The following PCDHGA12 variants were observed in gnomAD, a reference collection of about 807,000 sequenced individuals.
The protein encoded by PCDHGA12 is protocadherin gamma subfamily A, 12.
In PCDHGA12, 43 loss-of-function variants were observed where a neutral mutation model predicts 61.1. The ratio of observed to expected loss-of-function variants is 0.70; its 90% CI spans 0.55 to 0.91. The LOEUF (loss-of-function observed/expected upper bound fraction) is 0.91. Ranked by LOEUF, PCDHGA12 falls within the 40% of genes least tolerant of loss-of-function variation. PCDHGA12 has a pLI of 0.00. For missense variants in PCDHGA12, 1,236 were observed against 1,227.7 expected (o/e 1.01, Z -0.10); for synonymous variants, 520 against 542.9 (o/e 0.96, Z 0.59).
intron 1 of PCDHGA12, among the ~76,000 whole-genome samples, chr5:141,449,606 A>AG (rs1263111904): frequency 2.0e-5 from 3 of 150,702 alleles, no homozygotes; most frequent in Non-Finnish European, 3.0e-5. Flanking sequence ...AAAAAAAAAA[A>AG]AGTAAAAAAG....
rs1437533706 is a variant in PCDHGA12, at chr5:141,511,419, G to C, written c.*246G>C. On this transcript the variant is annotated 3_prime_UTR_variant, in exon 4 of 4. Transcript: ENST00000252085. ...ATCCAATCAACTGCTGTACCCATGG[G>C]GGTAGTGGGGTTACTGTAGACACCA... The C allele has an allele frequency of 2.4e-6, 2 of 830,456 alleles. No individual in the cohort carries two copies. The highest frequency in any genetic ancestry group is 5.8e-5 in the East Asian group (2 of 34,260). 51.4% of individuals were successfully genotyped at this position (830,456 alleles called of 1,614,324 possible).
intron 1 of PCDHGA12, among the ~76,000 whole-genome samples, chr5:141,475,204 A>G (rs2099360413): frequency 6.6e-6 from 1 of 152,176 alleles, no homozygotes; most frequent in African/African-American, 2.4e-5. Flanking sequence ...AGATCTTGGG[A>G]AAAGGATTGA....
At position 141,476,499 on chromosome 5, in the gene PCDHGA12, T is replaced by A. The variant is rs763373223; in HGVS notation, c.2425-18308T>A. On this transcript the variant is annotated intron_variant, in intron 1 of 3. Coordinates refer to ENST00000252085, the MANE Select transcript of PCDHGA12 (RefSeq NM_003735.3). This position sits in a 1 kb window ranked among gnomAD's most constrained non-coding sequence, Gnocchi z 7.6. Reference sequence around the variant, plus strand: ...AGCGTGGAAGTGGTGATCCAGGACATCAACGACAACAATCCTGCTTTCCCT... The same window carrying A: ...AGCGTGGAAGTGGTGATCCAGGACAACAACGACAACAATCCTGCTTTCCCT... 3.1e-6 allele frequency: 5 copies of A among 1,613,992 alleles called. No individual in the cohort carries two copies. The South Asian group carries it at 5.5e-5, about 18-fold the overall frequency.
At position 141,431,516 on chromosome 5, in the gene PCDHGA12, G is replaced by C. The variant is rs941913367; in HGVS notation, c.757G>C (p.Glu253Gln). 3.1e-6 allele frequency: 5 copies of C among 1,613,954 alleles called. No homozygotes were observed. In the African/African-American group the frequency reaches 6.7e-5, roughly 22 times the overall value. The change falls in exon 1 of 4, where the codon GAG becomes CAG. Residue 253 changes from glutamate to glutamine, a missense_variant. Coordinates refer to ENST00000252085, the MANE Select transcript of PCDHGA12 (RefSeq NM_003735.3). This position sits in a 1 kb window ranked among gnomAD's most constrained non-coding sequence, Gnocchi z 4.8. Reference protein sequence around the residue: ...AQPEYRASVPENLALGTQLLV... With the variant: ...AQPEYRASVPQNLALGTQLLV... ...GCCCGAGTACCGCGCGAGCGTTCCG[G>C]AGAATCTGGCCTTGGGCACGCAGCT... is the stretch of plus-strand genomic sequence containing the variant.
At chr5:141,496,262 C>G (rs934511905) in intron 2 of PCDHGA12, among the ~76,000 whole-genome samples, 3 of 152,158 alleles carry the variant, frequency 2.0e-5, no homozygotes, top group African/African-American at 7.2e-5. Flanking sequence ...GAAACTTCAG[C>G]AGAAAGACCT....
chr5:141,497,031 A>G (rs898409925), intron 2 of PCDHGA12, among the ~76,000 whole-genome samples: 14 of 152,184 alleles, frequency 9.2e-5, no homozygotes, highest in African/African-American at 3.4e-4. Context: ...TCGATTAAAA[A>G]TACAAAAATT....
Position 141,486,785 on chromosome 5 carries a change from C to G in PCDHGA12, c.2425-8022C>G, listed in dbSNP as rs763174232. The G allele has an allele frequency of 2.8e-5, 45 of 1,614,102 alleles. No homozygotes were observed. The highest frequency in any genetic ancestry group is 3.6e-5 in the Non-Finnish European group (42 of 1,180,050). On this transcript the variant is annotated intron_variant, in intron 1 of 3. Coordinates refer to ENST00000252085, the MANE Select transcript of PCDHGA12 (RefSeq NM_003735.3). The surrounding 1 kb of genome is among the most constrained non-coding windows in gnomAD (Gnocchi z 5.0). ...GACACTGCAGTTTGAGGTGCAGGCC[C>G]GGGATCGGGGCAACCCACCCCTTAG... is the stretch of plus-strand genomic sequence containing the variant.
Position 141,477,439 on chromosome 5 carries a change from A to C in PCDHGA12, c.2425-17368A>C. 1 of 1,614,142 alleles carries C rather than the reference A, an allele frequency of 6.2e-7. No homozygotes were observed. Among genetic ancestry groups the C allele is most frequent in the Non-Finnish European group, 8.5e-7 (1 of 1,180,016 alleles). On this transcript the variant is annotated intron_variant, in intron 1 of 3. Transcript: ENST00000252085. This position sits in a 1 kb window ranked among gnomAD's most constrained non-coding sequence, Gnocchi z 4.9. ...GAACCCCTTCCCTCTCAGCCCTTAC[A>C]ATAGTGCGTGTTCAAGTGTCCGACA... is the stretch of plus-strand genomic sequence containing the variant.
At chr5:141,459,245 C>G (rs1040972875) in intron 1 of PCDHGA12, among the ~76,000 whole-genome samples, 1 of 152,180 alleles carries the variant, frequency 6.6e-6, no homozygotes, top group African/African-American at 2.4e-5. Context: ...TGCTTCCTGT[C>G]ACTATAAATT....
intron 1 of PCDHGA12, among the ~76,000 whole-genome samples, chr5:141,455,783 T>G (rs1475277198): frequency 1.3e-5 from 2 of 152,066 alleles, no homozygotes; most frequent in Non-Finnish European, 2.9e-5. Context: ...AAAAGAAACT[T>G]TTCCGGAGAT....
intron 1 of PCDHGA12, among the ~76,000 whole-genome samples, chr5:141,483,913 C>G (rs988014158): frequency 6.7e-6 from 1 of 148,188 alleles, no homozygotes; most frequent in African/African-American, 2.5e-5. Context: ...GTTTCCCACT[C>G]AGATTGCAGG....
rs2099396190 is a variant in PCDHGA12 at position 141,476,685 on chromosome 5, G to A, written c.2425-18122G>A. On this transcript the variant is annotated intron_variant, in intron 1 of 3. Coordinates refer to ENST00000252085, the MANE Select transcript of PCDHGA12 (RefSeq NM_003735.3). This position sits in a 1 kb window ranked among gnomAD's most constrained non-coding sequence, Gnocchi z 7.6. ...CTTCGCGTGCAGACGCGGGAGGACA[G>A]CACCAAGTACGCGGAGCTGGTGTTG... 3.1e-6 allele frequency: 5 copies of A among 1,614,102 alleles called. No homozygotes were observed.
rs1016254258 is a variant in PCDHGA12 at position 141,489,870 on chromosome 5, G to C, written c.2425-4937G>C. ...GTGAAGCCCAGGCAAGACATCAGCT[G>C]GTGCTTACTGCTGTGGATGGGGGGA... On this transcript the variant is annotated intron_variant, in intron 1 of 3. Transcript: ENST00000252085. The surrounding 1 kb of genome is among the most constrained non-coding windows in gnomAD (Gnocchi z 4.5). The C allele has an allele frequency of 2.0e-5, 32 of 1,614,102 alleles. No homozygotes were observed. Among genetic ancestry groups the C allele is most frequent in the African/African-American group, 4.0e-5 (3 of 74,944 alleles).
chr5:141,484,219 C>T (rs766309865), intron 1 of PCDHGA12, among the ~76,000 whole-genome samples: 1 of 152,162 alleles, frequency 6.6e-6, no homozygotes, highest in Non-Finnish European at 1.5e-5. Context: ...TAGCATTCTG[C>T]CAGGTAAAGA....
At position 141,476,719 on chromosome 5, in the gene PCDHGA12, C is replaced by T; in HGVS notation, c.2425-18088C>T. ...ACGCGGAGCTGGTGTTGGAGCGCGC[C>T]CTGGACCGAGAACGGGAGCCTAGTC... On this transcript the variant is annotated intron_variant, in intron 1 of 3. Coordinates refer to ENST00000252085, the MANE Select transcript of PCDHGA12 (RefSeq NM_003735.3). The surrounding 1 kb of genome is among the most constrained non-coding windows in gnomAD (Gnocchi z 7.6). The T allele has an allele frequency of 6.2e-7, 1 of 1,614,154 alleles. No homozygotes were observed.
At position 141,491,910 on chromosome 5, in the gene PCDHGA12, G is replaced by T. The variant is rs946745903; in HGVS notation, c.2425-2897G>T. On this transcript the variant is annotated intron_variant, in intron 1 of 3. Coordinates refer to ENST00000252085, the MANE Select transcript of PCDHGA12 (RefSeq NM_003735.3). This position sits in a 1 kb window ranked among gnomAD's most constrained non-coding sequence, Gnocchi z 6.9. ...GGCTCCGAGCACCGGGGGTGGTGGC[G>T]ACTGTGGGCGAGGGGAGGTGGGACC... 3.6e-6 allele frequency: 5 copies of T among 1,406,946 alleles called. No individual in the cohort carries two copies. Among genetic ancestry groups the T allele is most frequent in the Non-Finnish European group, 4.7e-6 (5 of 1,059,702 alleles). 87.2% of individuals were successfully genotyped at this position (1,406,946 alleles called of 1,614,324 possible).
At chr5:141,497,499 C>G (rs1217418941) in intron 2 of PCDHGA12, among the ~76,000 whole-genome samples, 3 of 151,416 alleles carry the variant, frequency 2.0e-5, no homozygotes, top group Non-Finnish European at 4.4e-5. Context: ...TCTCTCTCCT[C>G]TCTCTGCTTC....
chr5:141,486,105 A>C lies in PCDHGA12; in HGVS notation c.2425-8702A>C. The stretch of plus-strand genomic sequence containing the variant: ...ACTCTTTTGGGGCCCCTAGACTTTG[A>C]GAGTGAGAATTACTATGAATTTGAT... On this transcript the variant is annotated intron_variant, in intron 1 of 3. Transcript: ENST00000252085. This position sits in a 1 kb window ranked among gnomAD's most constrained non-coding sequence, Gnocchi z 5.0. The C allele has an allele frequency of 1.2e-6, 2 of 1,614,138 alleles. No individual in the cohort carries two copies. The highest frequency in any genetic ancestry group is 1.7e-6 in the Non-Finnish European group (2 of 1,180,016).
chr5:141,475,951 G>A, intron 1 of PCDHGA12: 4 of 766,902 alleles, frequency 5.2e-6, no homozygotes, highest in South Asian at 1.9e-5. Flanking sequence ...CCCTTTCTGC[G>A]CCCCGGGATG....
Sources: allele counts gnomAD v4.1 joint callset (sites outside exome capture counted in the v4.1 genomes callset), GRCh38; gene constraint gnomAD v4.1.1; non-coding constraint Gnocchi (gnomAD v3.1); transcripts MANE v1.5; gene names NCBI Gene and HGNC (gene_info 2026-07-23, HGNC 2026-07-21).